NEO1: variants seen among roughly 807,000 people sequenced by gnomAD.
NEO1 encodes the protein neogenin.
In NEO1, 63 loss-of-function variants were observed where a neutral mutation model predicts 159.7. The observed-to-expected ratio is 0.39, with a 90% CI of 0.32 to 0.49. NEO1 has a LOEUF of 0.49. NEO1 is among the 20% of genes least tolerant of loss of function. The pLI is 0.85. For missense variants in NEO1, 1,615 were observed against 1,831.0 expected (o/e 0.88, Z 2.15); for synonymous variants, 633 against 662.0 (o/e 0.96, Z 0.67).
intron 1 of NEO1, among the ~76,000 whole-genome samples, chr15:73,078,487 C>T (rs2068883503): frequency 6.6e-6 from 1 of 152,158 alleles, no homozygotes; most frequent in African/African-American, 2.4e-5. Flanking sequence ...CATTTCCCAG[C>T]CCCAGTCCAC....
intron 7 of NEO1, among the ~76,000 whole-genome samples, chr15:73,210,959 A>G (rs2037522612): frequency 6.6e-6 from 1 of 152,230 alleles, no homozygotes; most frequent in South Asian, 2.1e-4. Flanking sequence ...TTGAATGTAT[A>G]GTAATATTAC....
At chr15:73,208,421 T>G (rs920987425) in intron 7 of NEO1, among the ~76,000 whole-genome samples, 1 of 152,242 alleles carries the variant, frequency 6.6e-6, no homozygotes, top group Non-Finnish European at 1.5e-5. Flanking sequence ...TTTCTAGTGA[T>G]AGGGTATTCT....
At chr15:73,186,335 A>AG (rs2035926097) in intron 7 of NEO1, among the ~76,000 whole-genome samples, 1 of 151,920 alleles carries the variant, frequency 6.6e-6, no homozygotes, top group Non-Finnish European at 1.5e-5. Flanking sequence ...TTAAAAAAAA[A>AG]GGCAACCAAA....
Position 73,257,572 on chromosome 15 carries a change from C to T in NEO1, c.2093-1194C>T, listed in dbSNP as rs1178939794. ...ATGGATCACCAAGATCCTTTACCAA[C>T]AACACATTATATGATTAAATTTGAA... On this transcript the variant is annotated intron_variant, in intron 13 of 28. Coordinates refer to ENST00000261908, the MANE Select transcript of NEO1 (RefSeq NM_002499.4). 2.0e-5 allele frequency among the ~76,000 whole-genome samples: 3 copies of T among 152,156 alleles called. No homozygotes were observed. The East Asian group carries it at 5.8e-4, about 29-fold the overall frequency.
rs137973600 is a variant in NEO1 at position 73,259,703 on chromosome 15, G to A, written c.2204-568G>A. 3.3e-3 allele frequency among the ~76,000 whole-genome samples: 506 copies of A among 152,264 alleles called. 1 individual carries two copies. Among genetic ancestry groups the A allele is most frequent in the Non-Finnish European group, 5.5e-3 (375 of 68,008 alleles). On this transcript the variant is annotated intron_variant, in intron 14 of 28. Transcript: ENST00000261908. Reference sequence around the variant, plus strand: ...GGTAGTAACTTATGCCCTGAAAACAGTGTATGTGAAAGAGCATGTAAATTT... The same window carrying A: ...GGTAGTAACTTATGCCCTGAAAACAATGTATGTGAAAGAGCATGTAAATTT...
rs528352017 is a variant in NEO1, at chr15:73,244,787, C to T, written c.1606+289C>T. Among the ~76,000 whole-genome samples, 31 of 151,498 alleles carry T rather than the reference C, an allele frequency of 2.0e-4. 2 individuals are homozygous for T. The highest frequency in any genetic ancestry group is 1.7e-3 in the Admixed American group (26 of 15,218). On this transcript the variant is annotated intron_variant, in intron 9 of 28. Transcript: ENST00000261908. ...CCAACATGGTGAAACCCCATCTCTACTAAAAATACAAAAATTAGCCGGGTA... is the reference window on the plus strand; with the variant it reads ...CCAACATGGTGAAACCCCATCTCTATTAAAAATACAAAAATTAGCCGGGTA...
At chr15:73,170,589 C>A (rs2034892285) in intron 5 of NEO1, among the ~76,000 whole-genome samples, 1 of 152,036 alleles carries the variant, frequency 6.6e-6, no homozygotes, top group Admixed American at 6.6e-5. Flanking sequence ...AGAATAATAA[C>A]CTGAGTGAAT....
At chr15:73,226,317 GCCT>G (rs1364129149) in intron 7 of NEO1, among the ~76,000 whole-genome samples, 3 of 152,186 alleles carry the variant, frequency 2.0e-5, no homozygotes, top group South Asian at 2.1e-4. Flanking sequence ...GTCTAGTCCT[GCCT>G]CTCCCGTCTG....
intron 10 of NEO1, 56 bp downstream of exon 10, chr15:73,249,264 A>C: frequency 1.3e-6 from 2 of 1,574,896 alleles, no homozygotes; most frequent in Non-Finnish European, 1.7e-6. Context: ...GTTGAAATAT[A>C]TTTCCAAAAC....
intron 1 of NEO1, among the ~76,000 whole-genome samples, chr15:73,066,320 CTTTTTTTT>C (rs35179965): frequency 2.7e-5 from 3 of 110,252 alleles, no homozygotes; most frequent in Non-Finnish European, 3.6e-5. Context: ...CACCTGGCCT[CTTTTTTTT>C]TTTTTTTTTT....
At chr15:73,225,665 T>C (rs2038542633) in intron 7 of NEO1, among the ~76,000 whole-genome samples, 1 of 152,038 alleles carries the variant, frequency 6.6e-6, no homozygotes, top group Non-Finnish European at 1.5e-5. Flanking sequence ...CAGCCCCGAG[T>C]CTGCCAGCAG....
At chr15:73,079,938 A>G (rs962747921) in intron 1 of NEO1, among the ~76,000 whole-genome samples, 2 of 152,228 alleles carry the variant, frequency 1.3e-5, no homozygotes, top group African/African-American at 4.8e-5. Context: ...GATGGAATAT[A>G]TGATGTATAA....
chr15:73,158,428 TCA>T (rs2033940581), intron 5 of NEO1, among the ~76,000 whole-genome samples: 1 of 152,064 alleles, frequency 6.6e-6, no homozygotes, highest in Non-Finnish European at 1.5e-5. Flanking sequence ...AGACAGGATC[TCA>T]CTCTGTTGCC....
At chr15:73,100,984 T>C (rs1457569929) in intron 1 of NEO1, among the ~76,000 whole-genome samples, 1 of 152,208 alleles carries the variant, frequency 6.6e-6, no homozygotes, top group African/African-American at 2.4e-5. Flanking sequence ...TGTAACTAAC[T>C]ACCACCAGAC....
chr15:73,287,763 C>G (rs1362739675), intron 23 of NEO1, among the ~76,000 whole-genome samples: 1 of 152,076 alleles, frequency 6.6e-6, no homozygotes, highest in African/African-American at 2.4e-5. Flanking sequence ...CGCCTGTAAT[C>G]CCAGCTACTC....
At chr15:73,123,444 G>A in intron 3 of NEO1, among the ~76,000 whole-genome samples, 1 of 152,142 alleles carries the variant, frequency 6.6e-6, no homozygotes, top group East Asian at 1.9e-4. Flanking sequence ...GACCCATCCA[G>A]GCTAGTTCGT....
intron 15 of NEO1, among the ~76,000 whole-genome samples, chr15:73,261,129 T>C (rs771579011): frequency 6.6e-6 from 1 of 152,130 alleles, no homozygotes; most frequent in Non-Finnish European, 1.5e-5. Context: ...CATCTTTCTT[T>C]GAGCACTTTC....
At chr15:73,116,969 C>A in intron 2 of NEO1, 112 bp downstream of exon 2, 1 of 817,812 alleles carries the variant, frequency 1.2e-6, no homozygotes. Flanking sequence ...CAAATATACT[C>A]ATTTAACAGA....
intron 1 of NEO1, among the ~76,000 whole-genome samples, chr15:73,081,331 T>G (rs889752151): frequency 6.6e-6 from 1 of 152,176 alleles, no homozygotes; most frequent in African/African-American, 2.4e-5. Context: ...TCTGTTCTCT[T>G]TAAAGAAAAT....
Sources: allele counts gnomAD v4.1 joint callset (sites outside exome capture counted in the v4.1 genomes callset), GRCh38; gene constraint gnomAD v4.1.1; transcripts MANE v1.5; gene names NCBI Gene and HGNC (gene_info 2026-07-23, HGNC 2026-07-21).